PIBF1: variants seen among roughly 807,000 people sequenced by gnomAD.
The protein encoded by PIBF1 is progesterone-induced-blocking factor 1.
PIBF1 carries 90 observed loss-of-function variants against 112.5 expected under a neutral mutation model. The ratio of observed to expected loss-of-function variants is 0.80; its 90% CI spans 0.67 to 0.95. The LOEUF is 0.95. Among genes scored for constraint, PIBF1 ranks in the 40% least tolerant of loss-of-function variants. The pLI is 0.00. For missense variants in PIBF1, 915 were observed against 852.3 expected (o/e 1.07, Z -0.92); for synonymous variants, 301 against 288.6 (o/e 1.04, Z -0.44).
intron 10 of PIBF1, among the ~76,000 whole-genome samples, chr13:72,880,279 T>C (rs1566397914): frequency 6.6e-6 from 1 of 152,302 alleles, no homozygotes; most frequent in East Asian, 1.9e-4. Context: ...AATTCCAATA[T>C]TTTAAAGTAT....
chr13:73,014,821 CTCTG>C (rs1460519114), intron 17 of PIBF1, among the ~76,000 whole-genome samples: 3 of 152,014 alleles, frequency 2.0e-5, no homozygotes, highest in African/African-American at 7.2e-5. Flanking sequence ...TGATGTCTTG[CTCTG>C]TCACTCAGAC....
At position 72,827,790 on chromosome 13, in the gene PIBF1, C is replaced by A; in HGVS notation, c.973C>A (p.Arg325Ser). 1.2e-6 allele frequency: 2 copies of A among 1,601,002 alleles called. No homozygotes were observed. Among genetic ancestry groups the A allele is most frequent in the Non-Finnish European group, 1.7e-6 (2 of 1,173,794 alleles). The change falls in exon 8 of 18, where the codon CGC becomes AGC. Residue 325 changes from arginine to serine, a missense_variant. Physicochemically the swap from Arg to Ser is moderately radical, Grantham distance 110. Transcript: ENST00000326291. ...GCAAAAGGATAAAGAATATCTTAAT[C>A]GCCAAAACATGGAGCTTAGTGTTCG... Reference protein sequence around the residue: ...LLQKDKEYLNRQNMELSVRCA... With the variant: ...LLQKDKEYLNSQNMELSVRCA...
intron 17 of PIBF1, among the ~76,000 whole-genome samples, chr13:73,010,146 G>A (rs939930456): frequency 8.0e-5 from 12 of 150,692 alleles, no homozygotes; most frequent in African/African-American, 2.4e-4. Flanking sequence ...AACAATTTAC[G>A]TTATGACCTA....
intron 14 of PIBF1, among the ~76,000 whole-genome samples, chr13:72,962,116 G>C (rs1390957412): frequency 3.9e-5 from 6 of 152,090 alleles, no homozygotes; most frequent in Non-Finnish European, 8.8e-5. Flanking sequence ...TATACATAGT[G>C]TAAATTATGA....
rs764525629 is a variant in PIBF1 at position 72,893,776 on chromosome 13, T to G, written c.1323-8T>G. ...TTTAGAGTGTCATAACCATTCTGCT[T>G]CTTTCAGGTACAGAGAACTACAACT... On this transcript the variant is annotated splice_region_variant and splice_polypyrimidine_tract_variant and intron_variant, in intron 10 of 17. Coordinates refer to ENST00000326291, the MANE Select transcript of PIBF1 (RefSeq NM_006346.4). The G allele has an allele frequency of 1.3e-5, 20 of 1,542,348 alleles. No homozygotes were observed. The highest frequency in any genetic ancestry group is 1.4e-5 in the African/African-American group (1 of 71,882).
At chr13:72,864,617 A>T (rs755493648) in intron 10 of PIBF1, among the ~76,000 whole-genome samples, 1 of 152,154 alleles carries the variant, frequency 6.6e-6, no homozygotes, top group South Asian at 2.1e-4. Context: ...CATAGGGGGA[A>T]CTTTTTATAG....
intron 10 of PIBF1, among the ~76,000 whole-genome samples, chr13:72,886,947 T>C (rs2039881797): frequency 6.6e-6 from 1 of 151,994 alleles, no homozygotes; most frequent in South Asian, 2.1e-4. Flanking sequence ...ATGTTGGCTT[T>C]AAAAGTTTTT....
At chr13:72,785,382 T>A (rs1369020909) in intron 2 of PIBF1, among the ~76,000 whole-genome samples, 4 of 152,186 alleles carry the variant, frequency 2.6e-5, no homozygotes, top group African/African-American at 9.7e-5. Flanking sequence ...CTTAGAACGG[T>A]GCCTGACACA....
chr13:72,973,777 A>T, intron 16 of PIBF1, 102 bp downstream of exon 16: 1 of 649,098 alleles, frequency 1.5e-6, no homozygotes, highest in Non-Finnish European at 2.7e-6. Context: ...TTCATTAATG[A>T]CTTCTCTTAT....
At position 72,987,858 on chromosome 13, in the gene PIBF1, A is replaced by ATTTTTTTTTTT. The variant is rs55999445; in HGVS notation, c.2050-10951_2050-10941dup. On this transcript the variant is annotated intron_variant, in intron 16 of 17. Coordinates refer to ENST00000326291, the MANE Select transcript of PIBF1 (RefSeq NM_006346.4). Reference sequence around the variant, plus strand: ...TTGTAATTTATTTATTTATTTATTTATTTTTTTTTTTTTTTTTTTTTTTGA... The same window carrying ATTTTTTTTTTT: ...TTGTAATTTATTTATTTATTTATTTATTTTTTTTTTTTTTTTTTTTTTTTTTTTTTTTTTGA... Among the ~76,000 whole-genome samples the ATTTTTTTTTTT allele has an allele frequency of 5.7e-4, 33 of 58,102 alleles. 3 individuals are homozygous for ATTTTTTTTTTT. Among genetic ancestry groups the ATTTTTTTTTTT allele is most frequent in the African/African-American group, 2.5e-3 (27 of 10,708 alleles). The allele number at this position is 58,102 out of a possible 152,430, so 38.1% of individuals were successfully genotyped here.
intron 14 of PIBF1, among the ~76,000 whole-genome samples, chr13:72,944,202 T>A (rs1368505063): frequency 6.6e-6 from 1 of 152,018 alleles, no homozygotes; most frequent in African/African-American, 2.4e-5. Context: ...ATCCCAGCAC[T>A]TTGGGAGGCT....
intron 10 of PIBF1, among the ~76,000 whole-genome samples, chr13:72,893,496 G>GT (rs1475265128): frequency 6.6e-6 from 1 of 152,018 alleles, no homozygotes; most frequent in Non-Finnish European, 1.5e-5. Flanking sequence ...TCTAAGCAAT[G>GT]TAACTGAAAT....
chr13:72,827,133 AG>A lies in PIBF1; in HGVS notation c.915+16del. Reference sequence around the variant, plus strand: ...TATCAAAAGAGGTAAGCTTATAATTAGAGTCACTTATATTATATAGCATAGT... The same window carrying A: ...TATCAAAAGAGGTAAGCTTATAATTAAGTCACTTATATTATATAGCATAGT... On this transcript the variant is annotated intron_variant, in intron 7 of 17. Transcript: ENST00000326291. 2 of 1,339,518 alleles carry A rather than the reference AG, an allele frequency of 1.5e-6. No individual in the cohort carries two copies. The highest frequency in any genetic ancestry group is 2.1e-6 in the Non-Finnish European group (2 of 950,258). The allele number at this position is 1,339,518 out of a possible 1,614,324, so 83.0% of individuals were successfully genotyped here.
At chr13:72,927,415 A>G (rs2041522318) in intron 13 of PIBF1, among the ~76,000 whole-genome samples, 1 of 152,008 alleles carries the variant, frequency 6.6e-6, no homozygotes, top group Non-Finnish European at 1.5e-5. Flanking sequence ...GAGACAGGAG[A>G]ATGGCGCGAA....
chr13:72,927,484 C>T (rs1162957938), intron 13 of PIBF1, among the ~76,000 whole-genome samples: 2 of 151,810 alleles, frequency 1.3e-5, no homozygotes, highest in East Asian at 1.9e-4. Flanking sequence ...AGCCTGGTGA[C>T]AGAGCAAGAC....
intron 5 of PIBF1, among the ~76,000 whole-genome samples, chr13:72,810,289 A>G (rs2035946576): frequency 6.6e-6 from 1 of 152,194 alleles, no homozygotes; most frequent in Non-Finnish European, 1.5e-5. Context: ...ATGCTTTTTC[A>G]TATCAAAAGG....
chr13:72,892,778 C>T (rs1167760738), intron 10 of PIBF1, among the ~76,000 whole-genome samples: 2 of 86,080 alleles, frequency 2.3e-5, no homozygotes, highest in Admixed American at 1.5e-4. Flanking sequence ...CTTACCTCCT[C>T]CTGCCTTACA....
chr13:72,802,001 T>C (rs1403049380), intron 5 of PIBF1, among the ~76,000 whole-genome samples: 2 of 64,292 alleles, frequency 3.1e-5, no homozygotes, highest in Non-Finnish European at 6.0e-5. Flanking sequence ...TTCTTAGGAT[T>C]TTTAAAAAAT....
chr13:72,926,806 A>C (rs561667919), intron 13 of PIBF1, among the ~76,000 whole-genome samples: 1 of 152,254 alleles, frequency 6.6e-6, no homozygotes, highest in East Asian at 1.9e-4. Context: ...TTTATTCCTT[A>C]GTGGTATGCC....
Sources: gnomAD v4.1 joint callset for allele counts (sites outside exome capture counted in the v4.1 genomes callset) on GRCh38, gnomAD v4.1.1 for gene constraint, MANE v1.5 for transcripts, NCBI Gene and HGNC (gene_info 2026-07-23, HGNC 2026-07-21) for gene names.